Variants in CCDC102A observed in about 807,000 individuals in gnomAD.
CCDC102A encodes the protein coiled-coil domain containing 102A.
A neutral mutation model predicts 55.5 loss-of-function variants in CCDC102A; 40 were observed. The ratio of observed to expected loss-of-function variants is 0.72; its 90% confidence interval spans 0.56 to 0.94. CCDC102A has a LOEUF of 0.94. Ranked by LOEUF, CCDC102A falls within the 40% of genes least tolerant of loss-of-function variation. CCDC102A has a pLI of 0.00. For synonymous variants in CCDC102A, 323 were observed against 339.0 expected (o/e 0.95, Z 0.52); for missense variants, 779 against 768.6 (o/e 1.01, Z -0.16).
Position 57,529,054 on chromosome 16 carries a change from G to GC in CCDC102A, c.123dup (p.Pro42AlafsTer73). 1 of 1,135,496 alleles carries GC rather than the reference G, an allele frequency of 8.8e-7. No individual in the cohort carries two copies. The highest frequency in any genetic ancestry group is 1.1e-6 in the Non-Finnish European group (1 of 926,214). 70.3% of individuals were successfully genotyped at this position (1,135,496 alleles called of 1,614,324 possible). On this transcript the variant is annotated frameshift_variant, in exon 2 of 9. Transcript: ENST00000258214. LOFTEE classifies it high-confidence loss of function. This position sits in a 1 kb window ranked among gnomAD's most constrained non-coding sequence, Gnocchi z 4.1. The stretch of plus-strand genomic sequence containing the variant: ...CCGGGCGAGGGCGTGCCGCTGGGCG[G>GC]CGTGGGCGGCAAGGAGTCGGCAGGC...
chr16:57,515,041 C>T (rs1257701993), intron 8 of CCDC102A, among the ~76,000 whole-genome samples: 1 of 152,168 alleles, frequency 6.6e-6, no homozygotes, highest in African/African-American at 2.4e-5. Flanking sequence ...TGGCCCCACC[C>T]ACTGCCCCAA....
intron 5 of CCDC102A, 141 bp from the exon 6 acceptor site, chr16:57,518,418 C>T (rs2031994918): frequency 1.2e-6 from 1 of 865,198 alleles, no homozygotes; most frequent in Admixed American, 2.5e-5. Flanking sequence ...AAGCTGGGCT[C>T]ATTTCATGGT....
At chr16:57,533,682 C>T (rs1375088722) in intron 1 of CCDC102A, among the ~76,000 whole-genome samples, 1 of 151,066 alleles carries the variant, frequency 6.6e-6, no homozygotes, top group East Asian at 1.9e-4. Context: ...TCACACACAG[C>T]CCCAGTAACG....
At chr16:57,531,044 G>A (rs989517526) in intron 1 of CCDC102A, among the ~76,000 whole-genome samples, 1 of 151,640 alleles carries the variant, frequency 6.6e-6, no homozygotes, top group South Asian at 2.1e-4. Context: ...CCTCGAATGC[G>A]GCTGTCATCG....
At chr16:57,532,704 CA>C (rs2032290153) in intron 1 of CCDC102A, among the ~76,000 whole-genome samples, 1 of 100,934 alleles carries the variant, frequency 9.9e-6, no homozygotes, top group Admixed American at 9.1e-5. Flanking sequence ...AGCAGACACA[CA>C]CACACACACA....
chr16:57,526,971 C>T (rs1598076479), intron 2 of CCDC102A, among the ~76,000 whole-genome samples: 2 of 152,222 alleles, frequency 1.3e-5, no homozygotes, highest in South Asian at 2.1e-4. Flanking sequence ...ACTCAGACTG[C>T]AAGCCTAGGG....
Position 57,526,061 on chromosome 16 carries a change from G to T in CCDC102A, c.652C>A (p.Arg218Ser). The T allele has an allele frequency of 6.3e-7, 1 of 1,589,600 alleles. No individual in the cohort carries two copies. Residue 218 changes from arginine (R) to serine (S), a missense_variant, in exon 3 of 9, where the codon CGC becomes AGC. Coordinates refer to ENST00000258214, the MANE Select transcript of CCDC102A (RefSeq NM_033212.4). ...PEESEDCWEA[R>S]SLGAGGPRGS... is the part of the protein sequence containing the mutation. ...CGCGGGCCCCCAGCCCCCAGGCTGC[G>T]CGCCTCCCAGCAGTCCTCAGACTCC...
intron 2 of CCDC102A, among the ~76,000 whole-genome samples, chr16:57,527,018 G>A (rs561891482): frequency 1.9e-4 from 29 of 152,290 alleles, no homozygotes; most frequent in Middle Eastern, 6.8e-3. Context: ...GCCTGTGACC[G>A]ACAACTGGAA....
At position 57,536,524 on chromosome 16, in the gene CCDC102A, G is replaced by T. The variant is rs922503243; in HGVS notation, c.-172C>A. 5 of 152,240 alleles carry T rather than the reference G, an allele frequency of 3.3e-5. No homozygotes were observed. Among genetic ancestry groups the T allele is most frequent in the African/African-American group, 9.7e-5 (4 of 41,450 alleles). 9.4% of individuals were successfully genotyped at this position (152,240 alleles called of 1,614,324 possible). A position where few individuals can be genotyped will look rare whatever the true frequency, so the allele number is the denominator to read the frequency against. On this transcript the variant is annotated 5_prime_UTR_variant, in exon 1 of 9. Coordinates refer to ENST00000258214, the MANE Select transcript of CCDC102A (RefSeq NM_033212.4). ...CCTCGGGCCGGGACTTGCGGGCTCCGTACGTCCCAGCCGCTGCGGCGGGGT... is the reference window on the plus strand; with the variant it reads ...CCTCGGGCCGGGACTTGCGGGCTCCTTACGTCCCAGCCGCTGCGGCGGGGT...
At position 57,516,248 on chromosome 16, in the gene CCDC102A, C is replaced by A. The variant is rs961376482; in HGVS notation, c.1419+45G>T. ...GATGGCCCTGCGGCCCCCACTCCTC[C>A]CTGGCCAAGGTCTGTTGCTGCCCCT... On this transcript the variant is annotated intron_variant, in intron 7 of 8. Transcript: ENST00000258214. This position sits in a 1 kb window ranked among gnomAD's most constrained non-coding sequence, Gnocchi z 4.4. 6 of 1,584,028 alleles carry A rather than the reference C, an allele frequency of 3.8e-6. No homozygotes were observed. Among genetic ancestry groups the A allele is most frequent in the Non-Finnish European group, 5.1e-6 (6 of 1,167,886 alleles).
At chr16:57,525,185 T>A (rs2032117291) in intron 3 of CCDC102A, among the ~76,000 whole-genome samples, 1 of 152,138 alleles carries the variant, frequency 6.6e-6, no homozygotes, top group African/African-American at 2.4e-5. Flanking sequence ...AACCTCCACC[T>A]CCCGGCTTCA....
intron 3 of CCDC102A, among the ~76,000 whole-genome samples, chr16:57,525,583 T>C (rs964945444): frequency 6.6e-5 from 10 of 152,164 alleles, no homozygotes; most frequent in Non-Finnish European, 1.5e-4. Flanking sequence ...CTCCATTCCC[T>C]GCTTTTACCC....
chr16:57,514,154 C>A (rs553455759), intron 8 of CCDC102A, among the ~76,000 whole-genome samples: 3 of 152,312 alleles, frequency 2.0e-5, no homozygotes, highest in Admixed American at 2.0e-4. Flanking sequence ...GTAATAGCAG[C>A]AGCTGCTGAC....
At chr16:57,523,943 G>A (rs1468479413) in intron 3 of CCDC102A, among the ~76,000 whole-genome samples, 1 of 152,126 alleles carries the variant, frequency 6.6e-6, no homozygotes, top group Non-Finnish European at 1.5e-5. Context: ...GGAAGGTGAT[G>A]CTGAGCTCAG....
At chr16:57,527,851 C>G (rs1342868593) in intron 2 of CCDC102A, among the ~76,000 whole-genome samples, 1 of 152,264 alleles carries the variant, frequency 6.6e-6, no homozygotes, top group South Asian at 2.1e-4. Context: ...GAATGACGGC[C>G]GTTGCTATTA....
At position 57,528,860 on chromosome 16, in the gene CCDC102A, C is replaced by G; in HGVS notation, c.318G>C (p.Glu106Asp). Reference protein sequence around the residue: ...RWSDCTANWREKWSKVRAERN... With the variant: ...RWSDCTANWRDKWSKVRAERN... ...GCTCAGCGCGCACCTTGCTCCATTT[C>G]TCGCGCCAATTGGCAGTGCAGTCCG... is the stretch of plus-strand genomic sequence containing the variant. The change falls in exon 2 of 9, where the codon GAG (glutamate) becomes GAC (aspartate). Residue 106 changes from glutamate to aspartate, a missense_variant. Transcript: ENST00000258214. The G allele has an allele frequency of 7.4e-7, 1 of 1,351,028 alleles. No individual in the cohort carries two copies. Among genetic ancestry groups the G allele is most frequent in the Non-Finnish European group, 9.6e-7 (1 of 1,042,770 alleles). 83.7% of individuals were successfully genotyped at this position (1,351,028 alleles called of 1,614,324 possible). A position where few individuals can be genotyped will look rare whatever the true frequency, so the allele number is the denominator to read the frequency against.
rs747759295 is a variant in CCDC102A at position 57,528,786 on chromosome 16, G to C, written c.392C>G (p.Ala131Gly). Residue 131 changes from alanine to glycine, a missense_variant, in exon 2 of 9, where the codon GCG becomes GGG. Transcript: ENST00000258214. ...EVRQLRQRLD[A>G]LTKELAGARR... ...TGCGCCCGCCAGCTCCTTGGTGAGC[G>C]CGTCCAGGCGCTGGCGCAGCTGGCG... is the stretch of plus-strand genomic sequence containing the variant. 6.6e-6 allele frequency: 8 copies of C among 1,204,932 alleles called. No homozygotes were observed. Among genetic ancestry groups the C allele is most frequent in the Non-Finnish European group, 8.3e-6 (8 of 962,182 alleles). 74.6% of individuals were successfully genotyped at this position (1,204,932 alleles called of 1,614,324 possible). A position where few individuals can be genotyped will look rare whatever the true frequency, so the allele number is the denominator to read the frequency against.
intron 1 of CCDC102A, among the ~76,000 whole-genome samples, chr16:57,533,299 G>A (rs559494136): frequency 3.3e-4 from 50 of 152,144 alleles, no homozygotes; most frequent in Middle Eastern, 6.8e-3. Context: ...GGGGGTCGGG[G>A]TCCTCAGGGG....
chr16:57,518,858 T>G, intron 4 of CCDC102A, 117 bp from the exon 5 acceptor site: 1 of 708,976 alleles, frequency 1.4e-6, no homozygotes, highest in East Asian at 2.7e-5. Context: ...AGCGCCCAAA[T>G]GGGGCAGGCA....
Sources: allele counts gnomAD v4.1 joint callset (sites outside exome capture counted in the v4.1 genomes callset), GRCh38; gene constraint gnomAD v4.1.1; non-coding constraint Gnocchi (gnomAD v3.1); transcripts MANE v1.5; gene names NCBI Gene and HGNC (gene_info 2026-07-23, HGNC 2026-07-21).